Variants in SRP68 observed in about 807,000 individuals in gnomAD.
The protein encoded by SRP68 is signal recognition particle 68.
Under a neutral mutation model 82.2 loss-of-function variants are expected in SRP68, and 15 were observed. The ratio of observed to expected loss-of-function variants is 0.18; its 90% CI spans 0.12 to 0.28. The LOEUF is 0.28. Ranked by LOEUF, SRP68 falls within the 10% of genes least tolerant of loss-of-function variation. The pLI, the probability that SRP68 is intolerant of heterozygous loss-of-function variation, is 1.00. For missense variants in SRP68, 595 were observed against 780.5 expected (o/e 0.76, Z 2.83); for synonymous variants, 261 against 292.6 (o/e 0.89, Z 1.10).
At position 76,061,111 on chromosome 17, in the gene SRP68, A is replaced by G; in HGVS notation, c.753T>C (p.Ile251=). The G allele has an allele frequency of 6.3e-7, 1 of 1,595,064 alleles. No homozygotes were observed. The change falls in exon 6 of 16, where the codon ATT becomes ATC. Residue 251 remains isoleucine (I), a splice_region_variant and synonymous_variant. Coordinates refer to ENST00000307877, the MANE Select transcript of SRP68 (RefSeq NM_014230.4). ...SPNIRYCAYN[I]GDQSAINELM... ...TAATGCCTTGATCCCTGCTCTCACC[A>G]ATATTATATGCACAATAGCGGATGT...
chr17:76,055,956 G>A (rs994849838), intron 8 of SRP68, among the ~76,000 whole-genome samples: 19 of 151,484 alleles, frequency 1.3e-4, no homozygotes, highest in Middle Eastern at 3.4e-3. Flanking sequence ...ACAGGTGCAC[G>A]CCACCACGCC....
At chr17:76,040,063 C>T in intron 15 of SRP68, 130 bp from the exon 16 acceptor site, 2 of 895,542 alleles carry the variant, frequency 2.2e-6, no homozygotes, top group Non-Finnish European at 3.4e-6. Context: ...ATCCCGACAG[C>T]CTCCTACGAG....
chr17:76,051,733 G>A (rs958132448), intron 8 of SRP68, among the ~76,000 whole-genome samples: 12 of 151,940 alleles, frequency 7.9e-5, no homozygotes, highest in African/African-American at 1.9e-4. Flanking sequence ...ACTTGGGAAC[G>A]AACTGGGGCT....
intron 15 of SRP68, 107 bp from the exon 16 acceptor site, chr17:76,040,040 A>G: frequency 9.8e-7 from 1 of 1,024,836 alleles, no homozygotes; most frequent in South Asian, 1.5e-5. Flanking sequence ...GGGCCATCTC[A>G]CTCAATCACT....
rs2066572642 is a variant in SRP68, at chr17:76,039,478, G to A, written c.*228C>T. ...AGCGGCCCCTTTCCCAGGAGGTACAGGAGACAGGATGACCCTGCACACATT... is the reference window on the plus strand; with the variant it reads ...AGCGGCCCCTTTCCCAGGAGGTACAAGAGACAGGATGACCCTGCACACATT... On this transcript the variant is annotated 3_prime_UTR_variant, in exon 16 of 16. Transcript: ENST00000307877. 4.6e-6 allele frequency: 3 copies of A among 658,058 alleles called. No individual in the cohort carries two copies. The highest frequency in any genetic ancestry group is 2.8e-6 in the Non-Finnish European group (1 of 360,592). 40.8% of individuals were successfully genotyped at this position (658,058 alleles called of 1,614,324 possible). A position where few individuals can be genotyped will look rare whatever the true frequency, so the allele number is the denominator to read the frequency against.
chr17:76,062,451 AAAAC>A (rs1222173828), intron 4 of SRP68, among the ~76,000 whole-genome samples: 1 of 132,872 alleles, frequency 7.5e-6, no homozygotes, highest in Non-Finnish European at 1.5e-5. Flanking sequence ...CTCTTTCTAA[AAAAC>A]AAACAAAAAA....
rs1298184698 is a variant in SRP68, at chr17:76,063,957, T to C, written c.561+19A>G. ...TCTTTAATCTCCACAATAAACAAGC[T>C]GAATGTTGAGGTACTAACCTGAGCC... is the stretch of plus-strand genomic sequence containing the variant. On this transcript the variant is annotated intron_variant, in intron 4 of 15. Coordinates refer to ENST00000307877, the MANE Select transcript of SRP68 (RefSeq NM_014230.4). 4 of 1,596,126 alleles carry C rather than the reference T, an allele frequency of 2.5e-6. No homozygotes were observed. Among genetic ancestry groups the C allele is most frequent in the Non-Finnish European group, 3.4e-6 (4 of 1,167,222 alleles).
chr17:76,053,465 G>A (rs2066690402), intron 8 of SRP68: 1 of 985,230 alleles, frequency 1.0e-6, no homozygotes, highest in African/African-American at 1.7e-5. Context: ...CACAGGATTT[G>A]CCTCTTTTCC....
intron 13 of SRP68, among the ~76,000 whole-genome samples, chr17:76,042,449 C>T (rs1243102650): frequency 6.8e-6 from 1 of 147,834 alleles, no homozygotes; most frequent in African/African-American, 2.5e-5. Context: ...AAACCCTCTA[C>T]TAAAAATACA....
intron 8 of SRP68, among the ~76,000 whole-genome samples, chr17:76,052,721 G>A (rs971429390): frequency 7.3e-5 from 11 of 151,084 alleles, no homozygotes; most frequent in Middle Eastern, 3.4e-3. Context: ...GGAGAATGGC[G>A]TGAACCCGGG....
chr17:76,039,976 A>C (rs1400017018), intron 15 of SRP68, 43 bp from the exon 16 acceptor site: 1 of 1,592,298 alleles, frequency 6.3e-7, no homozygotes, highest in Admixed American at 1.7e-5. Flanking sequence ...TCGGTCACAG[A>C]ACACCCTTGG....
At chr17:76,057,276 C>T in intron 8 of SRP68, 127 bp downstream of exon 8, 1 of 1,149,696 alleles carries the variant, frequency 8.7e-7, no homozygotes, top group Non-Finnish European at 1.3e-6. Context: ...CCGTACTTAC[C>T]AAATCCAAAA....
rs545496361 is a variant in SRP68, at chr17:76,072,288, G to A, written c.184+20C>T. The A allele has an allele frequency of 1.9e-6, 3 of 1,608,146 alleles. No individual in the cohort carries two copies. The highest frequency in any genetic ancestry group is 2.3e-5 in the East Asian group (1 of 43,958). On this transcript the variant is annotated intron_variant, in intron 1 of 15. Coordinates refer to ENST00000307877, the MANE Select transcript of SRP68 (RefSeq NM_014230.4). The surrounding 1 kb of genome is among the most constrained non-coding windows in gnomAD (Gnocchi z 4.5). ...TCGACACGTAATCATTGCGAGTTAG[G>A]CCCGATTACTCTAGGATACTCTCCA...
intron 4 of SRP68, among the ~76,000 whole-genome samples, chr17:76,062,179 CG>C (rs2066757241): frequency 6.6e-6 from 1 of 151,026 alleles, no homozygotes; most frequent in Non-Finnish European, 1.5e-5. Context: ...CCCAGCTACT[CG>C]GGAGGCTGAG....
chr17:76,061,704 T>A, intron 4 of SRP68, 130 bp from the exon 5 acceptor site: 1 of 673,446 alleles, frequency 1.5e-6, no homozygotes, highest in Non-Finnish European at 2.5e-6. Context: ...CTCACACCTG[T>A]AATCCCAGCA....
intron 2 of SRP68, 61 bp downstream of exon 2, chr17:76,070,317 T>C: frequency 7.5e-7 from 1 of 1,340,150 alleles, no homozygotes; most frequent in South Asian, 1.2e-5. Flanking sequence ...GTAAACAGGA[T>C]ATTAACAAAA....
intron 5 of SRP68, 35 bp downstream of exon 5, chr17:76,061,456 TA>T: frequency 6.4e-7 from 1 of 1,574,776 alleles, no homozygotes; most frequent in Non-Finnish European, 8.7e-7. Context: ...AATCTGTAAT[TA>T]AAACTGGCCA....
At chr17:76,058,090 A>G (rs965421385) in intron 7 of SRP68, among the ~76,000 whole-genome samples, 1 of 151,960 alleles carries the variant, frequency 6.6e-6, no homozygotes. Flanking sequence ...CTTTTGCCTC[A>G]GCCTCTCGAG....
chr17:76,064,189 G>A lies in SRP68; in HGVS notation c.366-18C>T, dbSNP rs764494508. On this transcript the variant is annotated intron_variant, in intron 3 of 15. Transcript: ENST00000307877. ...GCAAGTATCTAGACCAGAGACAGAA[G>A]TGGGGAGACAATAAAGGCCATCAAC... The A allele has an allele frequency of 1.3e-5, 21 of 1,610,462 alleles. No individual in the cohort carries two copies. Among genetic ancestry groups the A allele is most frequent in the Admixed American group, 1.7e-5 (1 of 59,500 alleles).
Sources: gnomAD v4.1 joint callset for allele counts (sites outside exome capture counted in the v4.1 genomes callset) on GRCh38, gnomAD v4.1.1 for gene constraint, Gnocchi (gnomAD v3.1) non-coding constraint, MANE v1.5 for transcripts, NCBI Gene and HGNC (gene_info 2026-07-23, HGNC 2026-07-21) for gene names.